RCAN2: variants seen among roughly 807,000 people sequenced by gnomAD.
The protein encoded by RCAN2 is calcipressin-2.
Under a neutral mutation model 23.6 loss-of-function variants are expected in RCAN2, and 9 were observed. That is an observed-to-expected ratio of 0.38 (90% CI 0.23 to 0.67). The LOEUF (loss-of-function observed/expected upper bound fraction) is 0.67, where lower values mean the gene tolerates loss of function less well. Among genes scored for constraint, RCAN2 ranks in the 30% least tolerant of loss-of-function variants. RCAN2 has a pLI of 0.51. For missense variants in RCAN2, 273 were observed against 302.3 expected (o/e 0.90, Z 0.72); for synonymous variants, 109 against 115.7 (o/e 0.94, Z 0.37).
intron 2 of RCAN2, among the ~76,000 whole-genome samples, chr6:46,330,644 G>C (rs1220039715): frequency 1.3e-5 from 2 of 152,056 alleles, no homozygotes; most frequent in Non-Finnish European, 2.9e-5. Flanking sequence ...GCATCCTGGT[G>C]TTCCTTCTCT....
At chr6:46,366,166 T>G (rs1282616308) in intron 2 of RCAN2, among the ~76,000 whole-genome samples, 1 of 152,212 alleles carries the variant, frequency 6.6e-6, no homozygotes, top group Non-Finnish European at 1.5e-5. Context: ...TACTTCTCAA[T>G]TTGTACCTTT....
At chr6:46,247,821 A>G (rs891912858) in intron 3 of RCAN2, among the ~76,000 whole-genome samples, 4 of 152,288 alleles carry the variant, frequency 2.6e-5, no homozygotes, top group African/African-American at 4.8e-5. Flanking sequence ...GTGTGTGTAC[A>G]TGTATTTTTT....
chr6:46,300,374 T>C (rs953303514), intron 2 of RCAN2, among the ~76,000 whole-genome samples: 8 of 151,932 alleles, frequency 5.3e-5, no homozygotes, highest in African/African-American at 1.4e-4. Flanking sequence ...GGAAAAGATG[T>C]AACATACAAA....
At chr6:46,415,875 T>C (rs993683273) in intron 2 of RCAN2, among the ~76,000 whole-genome samples, 1 of 152,226 alleles carries the variant, frequency 6.6e-6, no homozygotes, top group African/African-American at 2.4e-5. Context: ...CTAAAATCCA[T>C]GGATACTTGA....
At chr6:46,249,384 T>C (rs1254005293) in intron 2 of RCAN2, among the ~76,000 whole-genome samples, 3 of 149,494 alleles carry the variant, frequency 2.0e-5, no homozygotes, top group African/African-American at 7.4e-5. Flanking sequence ...AGTGGCATGA[T>C]CTTGGCTCAC....
chr6:46,302,192 C>A (rs972247005), intron 2 of RCAN2, among the ~76,000 whole-genome samples: 12 of 152,042 alleles, frequency 7.9e-5, no homozygotes, highest in African/African-American at 2.9e-4. Context: ...AGGAAGAATG[C>A]TCCATCTGTG....
At chr6:46,230,494 G>T (rs1765845719) in intron 4 of RCAN2, among the ~76,000 whole-genome samples, 1 of 152,144 alleles carries the variant, frequency 6.6e-6, no homozygotes, top group Non-Finnish European at 1.5e-5. Flanking sequence ...CCTCCTCACA[G>T]CCTCCCTGCC....
intron 3 of RCAN2, among the ~76,000 whole-genome samples, chr6:46,247,589 A>G (rs1766564804): frequency 1.3e-5 from 2 of 152,228 alleles, no homozygotes; most frequent in African/African-American, 2.4e-5. Context: ...TCCTATAAGT[A>G]GAATCACAGA....
In RCAN2 at chr6:46,456,742, G is replaced by T. The variant is rs1260926241; in HGVS notation, c.225+10C>A. The T allele has an allele frequency of 2.6e-6, 4 of 1,534,020 alleles. No individual in the cohort carries two copies. The highest frequency in any genetic ancestry group is 3.5e-6 in the Non-Finnish European group (4 of 1,131,676). ...TCCCCATGTTTTAGGAACAGAAAAA[G>T]GCAGCTTACCTTGCTCTCTTCTCCT... On this transcript the variant is annotated intron_variant, in intron 2 of 4. Transcript: ENST00000371374.
intron 2 of RCAN2, among the ~76,000 whole-genome samples, chr6:46,285,590 T>C (rs556157113): frequency 6.6e-6 from 1 of 152,334 alleles, no homozygotes; most frequent in African/African-American, 2.4e-5. Context: ...GTTCTTCTAG[T>C]TGCTTGAAGG....
chr6:46,456,631 A>G, intron 2 of RCAN2, 121 bp downstream of exon 2: 1 of 711,718 alleles, frequency 1.4e-6, no homozygotes, highest in Non-Finnish European at 2.4e-6. Flanking sequence ...ACACATGCCA[A>G]AAATAGAGCC....
At chr6:46,452,284 T>C (rs1452899882) in intron 2 of RCAN2, among the ~76,000 whole-genome samples, 1 of 152,068 alleles carries the variant, frequency 6.6e-6, no homozygotes, top group Non-Finnish European at 1.5e-5. Context: ...ACCTGAAAAA[T>C]AGGGATAATG....
chr6:46,371,059 A>AGTAT (rs2150388921), intron 2 of RCAN2, among the ~76,000 whole-genome samples: 1 of 152,316 alleles, frequency 6.6e-6, no homozygotes, highest in South Asian at 2.1e-4. Context: ...GACATTGTAT[A>AGTAT]GTATGTATGT....
At position 46,423,329 on chromosome 6, in the gene RCAN2, G is replaced by A. The variant is rs575168476; in HGVS notation, c.225+33423C>T. Among the ~76,000 whole-genome samples the A allele has an allele frequency of 2.0e-5, 3 of 152,240 alleles. No homozygotes were observed. The South Asian group carries it at 6.2e-4, about 32-fold the overall frequency. On this transcript the variant is annotated intron_variant, in intron 2 of 4. Transcript: ENST00000371374. ...AGACCAGACCAAGTCTAAAACCCAG[G>A]ACTCTAGATGGCCAATCCTATAGTG...
chr6:46,346,737 G>A (rs1764493468), intron 2 of RCAN2, among the ~76,000 whole-genome samples: 2 of 151,864 alleles, frequency 1.3e-5, no homozygotes, highest in African/African-American at 4.8e-5. Flanking sequence ...CTGGATTGAA[G>A]CAATTACCAA....
At chr6:46,367,940 A>G (rs189022263) in intron 2 of RCAN2, among the ~76,000 whole-genome samples, 1 of 152,286 alleles carries the variant, frequency 6.6e-6, no homozygotes. Context: ...GGCTCCAACA[A>G]ACTTGTCTCT....
chr6:46,408,978 A>G (rs1766481742), intron 2 of RCAN2, among the ~76,000 whole-genome samples: 1 of 152,214 alleles, frequency 6.6e-6, no homozygotes, highest in East Asian at 1.9e-4. Context: ...TATAAATTTC[A>G]TAGAGACATA....
intron 2 of RCAN2, among the ~76,000 whole-genome samples, chr6:46,286,996 ACT>A (rs1284179932): frequency 6.6e-6 from 1 of 151,240 alleles, no homozygotes; most frequent in Admixed American, 6.6e-5. Flanking sequence ...CAAGAGTGAA[ACT>A]CTATCTCAAA....
chr6:46,472,210 G>C (rs16874641), intron 1 of RCAN2, among the ~76,000 whole-genome samples: 9,794 of 152,254 alleles, frequency 0.064, 415 homozygotes, highest in East Asian at 0.13. Context: ...TTTTGGGCCA[G>C]CTTGGGGATC....
Sources: allele counts gnomAD v4.1 joint callset (sites outside exome capture counted in the v4.1 genomes callset), GRCh38; gene constraint gnomAD v4.1.1; transcripts MANE v1.5; gene names NCBI Gene and HGNC (gene_info 2026-07-23, HGNC 2026-07-21).